Variants in LAMB4 observed in about 807,000 individuals in gnomAD.
LAMB4 encodes the protein laminin subunit beta 4.
LAMB4 carries 196 observed loss-of-function variants against 199.2 expected under a neutral mutation model. The observed-to-expected ratio is 0.98, with a 90% CI of 0.88 to 1.11. LAMB4 has a LOEUF of 1.11. Among genes scored for constraint, LAMB4 ranks in the 50% least tolerant of loss-of-function variants. The pLI, the probability that LAMB4 is intolerant of heterozygous loss-of-function variation, is 0.00. For missense variants in LAMB4, 2,080 were observed against 2,171.2 expected (o/e 0.96, Z 0.83); for synonymous variants, 744 against 770.6 (o/e 0.97, Z 0.57).
intron 31 of LAMB4, among the ~76,000 whole-genome samples, chr7:108,031,479 G>A (rs984097315): frequency 6.0e-5 from 9 of 150,900 alleles, no homozygotes; most frequent in Admixed American, 1.3e-4. Context: ...GGCCCTCAGC[G>A]TACCACTCCC....
chr7:108,107,932 T>C, intron 5 of LAMB4, 113 bp from the exon 6 acceptor site: 1 of 782,860 alleles, frequency 1.3e-6, no homozygotes, highest in Non-Finnish European at 2.0e-6. Flanking sequence ...AGGTGTATCT[T>C]TTTGTTGTTT....
the LAMB4 span, among the ~76,000 whole-genome samples, chr7:108,018,041 G>A: frequency 6.6e-6 from 1 of 152,228 alleles, no homozygotes; most frequent in Admixed American, 6.5e-5. Flanking sequence ...GGGCATAGAG[G>A]ACAATTTTAG....
At chr7:108,046,352 A>G (rs1438843522) in intron 28 of LAMB4, among the ~76,000 whole-genome samples, 1 of 151,666 alleles carries the variant, frequency 6.6e-6, no homozygotes, top group Non-Finnish European at 1.5e-5. Context: ...CGGCCTCCCA[A>G]AGTGCTGGGA....
chr7:108,109,912 G>A (rs985152), intron 4 of LAMB4, among the ~76,000 whole-genome samples: 57,494 of 152,020 alleles, frequency 0.38, 11,343 homozygotes, highest in Non-Finnish European at 0.42. Flanking sequence ...TGAGACATGT[G>A]TGTAATTTTG....
intron 33 of LAMB4, among the ~76,000 whole-genome samples, chr7:108,026,308 C>T (rs544816628): frequency 6.6e-6 from 1 of 152,228 alleles, no homozygotes; most frequent in Admixed American, 6.5e-5. Flanking sequence ...GTTGTTTTGA[C>T]TAATAGAAAA....
chr7:108,033,747 T>A (rs2035126291), intron 31 of LAMB4, among the ~76,000 whole-genome samples: 1 of 151,298 alleles, frequency 6.6e-6, no homozygotes, highest in Admixed American at 6.6e-5. Flanking sequence ...TTTTTTTTTT[T>A]TTTTTTTTTT....
chr7:108,040,128 A>G (rs558755421), intron 29 of LAMB4, among the ~76,000 whole-genome samples: 1 of 152,348 alleles, frequency 6.6e-6, no homozygotes, highest in East Asian at 1.9e-4. Context: ...AGTCAAGCCA[A>G]GAGCCAAGCC....
chr7:108,098,968 A>G (rs1439314361), intron 10 of LAMB4, among the ~76,000 whole-genome samples: 1 of 152,218 alleles, frequency 6.6e-6, no homozygotes, highest in African/African-American at 2.4e-5. Context: ...TGTTCATTTA[A>G]AAATGGTTAA....
chr7:108,014,298 G>T, the LAMB4 span, among the ~76,000 whole-genome samples: 1 of 152,300 alleles, frequency 6.6e-6, no homozygotes. Context: ...AAATATGCAG[G>T]TACTTTCTAG....
At chr7:108,096,594 A>G (rs879298532) in intron 11 of LAMB4, among the ~76,000 whole-genome samples, 9 of 152,090 alleles carry the variant, frequency 5.9e-5, no homozygotes, top group Non-Finnish European at 1.3e-4. Flanking sequence ...AAATTATTGA[A>G]TTGTTTACAG....
rs1563061231 is a variant in LAMB4 at position 108,066,464 on chromosome 7, GT to G, written c.2582del (p.His861ProfsTer76). ...CAGCAAACCTATTACAAGGGCAAGGGTGGCAGCTGGGAAATCCAAAGTAGCC... is the reference window on the plus strand; with the variant it reads ...CAGCAAACCTATTACAAGGGCAAGGGGGCAGCTGGGAAATCCAAAGTAGCC... ...LAGYFGFPSC[H>X]PCPCNRFAEL... is the part of the protein sequence containing the mutation. On this transcript the variant is annotated frameshift_variant, in exon 20 of 34. Coordinates refer to ENST00000388781, the MANE Select transcript of LAMB4 (RefSeq NM_007356.3). LOFTEE classifies it high-confidence loss of function. 1 of 1,614,180 alleles carries G rather than the reference GT, an allele frequency of 6.2e-7. No homozygotes were observed. The highest frequency in any genetic ancestry group is 1.1e-5 in the South Asian group (1 of 91,082).
chr7:108,012,951 TCAGCC>T, the LAMB4 span, among the ~76,000 whole-genome samples: 4 of 152,194 alleles, frequency 2.6e-5, no homozygotes, highest in Non-Finnish European at 5.9e-5. Flanking sequence ...TGGAGCCCTT[TCAGCC>T]TCACTGCCCA....
At chr7:108,044,973 A>AAT (rs1444295369) in intron 28 of LAMB4, among the ~76,000 whole-genome samples, 11 of 142,284 alleles carry the variant, frequency 7.7e-5, no homozygotes, top group Non-Finnish European at 1.6e-4. Flanking sequence ...AAAAAAAAAA[A>AAT]AGAAAAGAAA....
intron 24 of LAMB4, among the ~76,000 whole-genome samples, chr7:108,057,566 G>C (rs1181924338): frequency 2.6e-5 from 4 of 152,130 alleles, no homozygotes; most frequent in Non-Finnish European, 5.9e-5. Context: ...GAAGCTGACT[G>C]TTCCATTTGT....
chr7:108,112,384 T>C (rs2038260000), intron 3 of LAMB4, among the ~76,000 whole-genome samples: 1 of 151,798 alleles, frequency 6.6e-6, no homozygotes, highest in Admixed American at 6.6e-5. Context: ...TGCAATCTCC[T>C]GGGTTCAAGA....
intron 22 of LAMB4, 142 bp downstream of exon 22, chr7:108,063,619 G>C (rs547441813): frequency 5.4e-6 from 4 of 744,006 alleles, no homozygotes; most frequent in Non-Finnish European, 9.7e-6. Flanking sequence ...GATGAGTTCC[G>C]TACAACAGCC....
At chr7:108,096,521 G>T (rs1338319612) in intron 11 of LAMB4, among the ~76,000 whole-genome samples, 2 of 152,014 alleles carry the variant, frequency 1.3e-5, no homozygotes, top group Non-Finnish European at 2.9e-5. Flanking sequence ...GCAGAAGAGG[G>T]GTTTCTTTTG....
intron 3 of LAMB4, among the ~76,000 whole-genome samples, chr7:108,113,902 C>G (rs2038319693): frequency 6.6e-6 from 1 of 151,992 alleles, no homozygotes; most frequent in Non-Finnish European, 1.5e-5. Flanking sequence ...TGGTCGTAGC[C>G]CCTTCTATAA....
At chr7:108,022,245 A>T (rs887639845), downstream of LAMB4, among the ~76,000 whole-genome samples, 6 of 152,298 alleles carry the variant, frequency 3.9e-5, no homozygotes, top group Middle Eastern at 3.4e-3. Flanking sequence ...GCATCCAAGA[A>T]CTCAGACTGG....
Sources: allele counts gnomAD v4.1 joint callset (sites outside exome capture counted in the v4.1 genomes callset), GRCh38; gene constraint gnomAD v4.1.1; transcripts MANE v1.5; gene names NCBI Gene and HGNC (gene_info 2026-07-23, HGNC 2026-07-21).